Variants in SORCS1 observed in about 807,000 individuals in gnomAD.
The protein encoded by SORCS1 is VPS10 domain-containing receptor SorCS1.
SORCS1 carries 60 observed loss-of-function variants against 146.1 expected under a neutral mutation model. The observed-to-expected ratio is 0.41, with a 90% CI of 0.33 to 0.51. The LOEUF is 0.51. Among genes scored for constraint, SORCS1 ranks in the 20% least tolerant of loss-of-function variants. The probability of loss-of-function intolerance (pLI) is 0.21; values close to 1 mark genes in which losing one functional copy is unlikely to be tolerated. For synonymous variants in SORCS1, 637 were observed against 584.0 expected, an observed-to-expected ratio of 1.09 and a Z score of -1.31; for missense variants, 1,352 against 1,487.6, an observed-to-expected ratio of 0.91 and a Z score of 1.50.
At chr10:106,606,648 G>T in intron 23 of SORCS1, among the ~76,000 whole-genome samples, 1 of 152,106 alleles carries the variant, frequency 6.6e-6, no homozygotes, top group East Asian at 1.9e-4. Context: ...TAATTTAGCC[G>T]TTCCCTGCTG....
At chr10:107,013,356 G>A (rs1319484333) in intron 1 of SORCS1, among the ~76,000 whole-genome samples, 8 of 152,002 alleles carry the variant, frequency 5.3e-5, no homozygotes, top group Non-Finnish European at 1.0e-4. Flanking sequence ...AAAGGTTTCA[G>A]ATCTAGCCAG....
chr10:106,745,959 A>G (rs1407381075), intron 5 of SORCS1, among the ~76,000 whole-genome samples: 1 of 152,350 alleles, frequency 6.6e-6, no homozygotes, highest in African/African-American at 2.4e-5. Context: ...TAACCCTGTA[A>G]TCATGAGAAA....
At chr10:106,661,374 T>C (rs972662756) in intron 17 of SORCS1, among the ~76,000 whole-genome samples, 2 of 152,238 alleles carry the variant, frequency 1.3e-5, no homozygotes, top group African/African-American at 4.8e-5. Flanking sequence ...TTTCTAATTA[T>C]GTAACTTTAT....
intron 3 of SORCS1, among the ~76,000 whole-genome samples, chr10:106,814,126 C>T (rs561786381): frequency 5.9e-5 from 9 of 152,176 alleles, no homozygotes; most frequent in Non-Finnish European, 1.2e-4. Flanking sequence ...TTGGGATCCT[C>T]GATGTAGAAT....
At chr10:106,862,168 T>A (rs1230472128) in intron 2 of SORCS1, among the ~76,000 whole-genome samples, 1 of 152,178 alleles carries the variant, frequency 6.6e-6, no homozygotes, top group East Asian at 1.9e-4. Flanking sequence ...TGAACATCTA[T>A]AGTGAAACCT....
chr10:106,683,459 C>T (rs1226686449), intron 10 of SORCS1, among the ~76,000 whole-genome samples: 1 of 152,154 alleles, frequency 6.6e-6, no homozygotes, highest in African/African-American at 2.4e-5. Flanking sequence ...TGGCTTATTT[C>T]ACTTAGCATA....
At chr10:106,906,071 G>T (rs1951896966) in intron 2 of SORCS1, among the ~76,000 whole-genome samples, 1 of 152,146 alleles carries the variant, frequency 6.6e-6, no homozygotes, top group Non-Finnish European at 1.5e-5. Flanking sequence ...TCATGCTGCT[G>T]ATAAAGACAT....
intron 2 of SORCS1, among the ~76,000 whole-genome samples, chr10:106,898,436 A>C (rs1951570848): frequency 6.6e-6 from 1 of 152,218 alleles, no homozygotes; most frequent in African/African-American, 2.4e-5. Flanking sequence ...GGAACCAGTT[A>C]ACCACCTGTG....
At chr10:106,910,314 T>TGTGTGTGA (rs753133203) in intron 2 of SORCS1, among the ~76,000 whole-genome samples, 69 of 126,776 alleles carry the variant, frequency 5.4e-4, no homozygotes, top group African/African-American at 2.4e-3. Flanking sequence ...TGTGTGTGTG[T>TGTGTGTGA]GAGACAGTAT....
intron 2 of SORCS1, among the ~76,000 whole-genome samples, chr10:106,946,115 C>T (rs1954329510): frequency 6.6e-6 from 1 of 152,146 alleles, no homozygotes; most frequent in South Asian, 2.1e-4. Context: ...ACTGTATCAC[C>T]TACACATAAG....
At chr10:106,654,131 C>A (rs1213495367) in intron 17 of SORCS1, among the ~76,000 whole-genome samples, 1 of 152,180 alleles carries the variant, frequency 6.6e-6, no homozygotes, top group Admixed American at 6.5e-5. Context: ...CAGCTTACTT[C>A]TTGTCTTCTC....
intron 2 of SORCS1, among the ~76,000 whole-genome samples, chr10:106,930,115 C>A (rs1311703411): frequency 3.3e-5 from 5 of 152,004 alleles, no homozygotes; most frequent in Non-Finnish European, 7.4e-5. Context: ...ACCGTCTCTA[C>A]TAAAAAAAGT....
chr10:106,606,464 TA>T (rs1387668246), intron 23 of SORCS1, among the ~76,000 whole-genome samples: 5 of 152,284 alleles, frequency 3.3e-5, no homozygotes, highest in African/African-American at 1.2e-4. Context: ...TTGAACCTGT[TA>T]AAAAAGATAT....
chr10:106,688,040 T>G, intron 10 of SORCS1, 152 bp downstream of exon 10: 47 of 970,460 alleles, frequency 4.8e-5, no homozygotes, highest in Middle Eastern at 2.4e-4. Flanking sequence ...GGCAGTGCTG[T>G]GAGTTTTCTA....
At chr10:106,652,287 G>A (rs543409619) in intron 18 of SORCS1, 95 bp downstream of exon 18, 1 of 1,346,748 alleles carries the variant, frequency 7.4e-7, no homozygotes, top group East Asian at 2.4e-5. Context: ...CATCTAAAAT[G>A]GAGAAAGTTG....
chr10:106,760,634 C>T (rs1283185856), intron 5 of SORCS1, among the ~76,000 whole-genome samples: 1 of 151,626 alleles, frequency 6.6e-6, no homozygotes, highest in Admixed American at 6.6e-5. Flanking sequence ...GTTGTTTAAG[C>T]CACCCAGTCT....
intron 5 of SORCS1, among the ~76,000 whole-genome samples, chr10:106,750,337 G>A (rs189395578): frequency 6.8e-4 from 104 of 152,202 alleles, no homozygotes; most frequent in African/African-American, 2.4e-3. Flanking sequence ...ATGGCCATTA[G>A]TGAATGAAGG....
Position 106,953,095 on chromosome 10 carries a change from G to A in SORCS1, c.626+3418C>T, listed in dbSNP as rs1406250434. On this transcript the variant is annotated intron_variant, in intron 2 of 25. Transcript: ENST00000263054. ...CACCAGTATATGACATATGGCAAAT[G>A]ACTATTAGGCGTATATTTTAGAAAT... is the stretch of plus-strand genomic sequence containing the variant. 2.6e-5 allele frequency among the ~76,000 whole-genome samples: 4 copies of A among 151,840 alleles called. No individual in the cohort carries two copies. In the East Asian group the frequency reaches 5.8e-4, roughly 22 times the overall value.
chr10:106,722,429 C>G (rs1855850888), intron 6 of SORCS1, among the ~76,000 whole-genome samples: 1 of 152,104 alleles, frequency 6.6e-6, no homozygotes, highest in Admixed American at 6.5e-5. Flanking sequence ...CAGTTCTTAC[C>G]CAAGACCAGA....
Sources: allele counts gnomAD v4.1 joint callset (sites outside exome capture counted in the v4.1 genomes callset), GRCh38; gene constraint gnomAD v4.1.1; transcripts MANE v1.5; gene names NCBI Gene and HGNC (gene_info 2026-07-23, HGNC 2026-07-21).